Variants in AOPEP observed in about 807,000 individuals in gnomAD.
AOPEP encodes the protein aminopeptidase O.
Under a neutral mutation model 98.1 loss-of-function variants are expected in AOPEP, and 77 were observed. That is an observed-to-expected ratio of 0.78 (90% CI 0.65 to 0.95). The LOEUF (loss-of-function observed/expected upper bound fraction) is 0.95, where lower values mean the gene tolerates loss of function less well. AOPEP is among the 40% of genes least tolerant of loss of function. The probability of loss-of-function intolerance (pLI) is 0.00; values close to 1 mark genes in which losing one functional copy is unlikely to be tolerated. For missense variants in AOPEP, 1,024 were observed against 1,024.7 expected, an observed-to-expected ratio of 1.00 and a Z score of 0.01; for synonymous variants, 346 against 365.3, an observed-to-expected ratio of 0.95 and a Z score of 0.60.
intron 1 of AOPEP, among the ~76,000 whole-genome samples, chr9:94,731,560 A>G (rs891017376): frequency 6.6e-6 from 1 of 151,714 alleles, no homozygotes; most frequent in Non-Finnish European, 1.5e-5. Context: ...TTTTAGGTGA[A>G]TAGTTCTTCA....
intron 1 of AOPEP, among the ~76,000 whole-genome samples, chr9:94,746,950 A>G (rs184160670): frequency 6.6e-6 from 1 of 152,192 alleles, no homozygotes; most frequent in Admixed American, 6.5e-5. Context: ...GTTCAGGAAA[A>G]GGTCTTTGAC....
chr9:95,105,965 C>T, the AOPEP span, among the ~76,000 whole-genome samples: 2 of 152,226 alleles, frequency 1.3e-5, no homozygotes, highest in Non-Finnish European at 2.9e-5. Flanking sequence ...CCCCTGCTTT[C>T]GGCTCTCTGG....
chr9:94,777,871 G>A (rs750218980), intron 3 of AOPEP, among the ~76,000 whole-genome samples: 2 of 151,822 alleles, frequency 1.3e-5, no homozygotes, highest in Non-Finnish European at 2.9e-5. Context: ...TGATCCACCT[G>A]CCTCGGCCTC....
intron 16 of AOPEP, chr9:95,085,225 C>G (rs750656830): frequency 2.0e-6 from 1 of 496,292 alleles, no homozygotes; most frequent in Non-Finnish European, 4.2e-6. Context: ...GCTCTGGCTG[C>G]TTGGGTTCCT....
At chr9:94,791,642 G>A (rs1345063392) in intron 3 of AOPEP, among the ~76,000 whole-genome samples, 2 of 152,002 alleles carry the variant, frequency 1.3e-5, no homozygotes, top group Non-Finnish European at 2.9e-5. Flanking sequence ...CTGTGATCAC[G>A]CCACTGCATT....
At chr9:95,092,897 G>A in the AOPEP span, among the ~76,000 whole-genome samples, 4 of 152,176 alleles carry the variant, frequency 2.6e-5, no homozygotes, top group Non-Finnish European at 4.4e-5. Flanking sequence ...CTCTTCACCC[G>A]TGATCCCTGA....
chr9:94,781,008 A>T (rs977384573), intron 3 of AOPEP, among the ~76,000 whole-genome samples: 2 of 152,176 alleles, frequency 1.3e-5, no homozygotes, highest in African/African-American at 4.8e-5. Context: ...CATTTCTCCT[A>T]ACTGTTTTTA....
At chr9:94,961,476 C>A (rs371950562) in intron 9 of AOPEP, among the ~76,000 whole-genome samples, 7 of 152,090 alleles carry the variant, frequency 4.6e-5, no homozygotes, top group African/African-American at 1.4e-4. Flanking sequence ...TTTCCAATTG[C>A]GTTTATCTTT....
At chr9:94,978,323 A>G (rs1215316693) in intron 10 of AOPEP, among the ~76,000 whole-genome samples, 2 of 152,176 alleles carry the variant, frequency 1.3e-5, no homozygotes, top group Non-Finnish European at 2.9e-5. Context: ...TCTTGGTGGA[A>G]AGGTGAATAT....
chr9:94,881,486 T>C (rs763142723), intron 5 of AOPEP, among the ~76,000 whole-genome samples: 1 of 152,222 alleles, frequency 6.6e-6, no homozygotes, highest in Non-Finnish European at 1.5e-5. Context: ...TCAGCCCCTG[T>C]AACTGTTGTA....
chr9:94,975,690 A>G (rs1428681761), intron 10 of AOPEP, among the ~76,000 whole-genome samples: 1 of 152,196 alleles, frequency 6.6e-6, no homozygotes, highest in Non-Finnish European at 1.5e-5. Flanking sequence ...TGCCTCCTGC[A>G]GAAACATTCT....
At chr9:94,935,734 ACC>A (rs2137249299) in intron 7 of AOPEP, among the ~76,000 whole-genome samples, 1 of 151,944 alleles carries the variant, frequency 6.6e-6, no homozygotes, top group East Asian at 1.9e-4. Flanking sequence ...GGCCGGCCAT[ACC>A]CCCTTTTAAG....
intron 5 of AOPEP, among the ~76,000 whole-genome samples, chr9:94,866,042 G>A (rs1031150377): frequency 2.0e-5 from 3 of 152,102 alleles, no homozygotes; most frequent in Non-Finnish European, 4.4e-5. Context: ...ATTAATTTAC[G>A]TACAGAAATT....
At chr9:94,880,787 C>T (rs2047493327) in intron 5 of AOPEP, among the ~76,000 whole-genome samples, 1 of 152,174 alleles carries the variant, frequency 6.6e-6, no homozygotes, top group Non-Finnish European at 1.5e-5. Context: ...GCCAGCTGAG[C>T]GGACTTAAAT....
chr9:95,089,779 C>T (rs1182603147), downstream of AOPEP, among the ~76,000 whole-genome samples: 8 of 152,228 alleles, frequency 5.3e-5, no homozygotes, highest in East Asian at 3.8e-4. Flanking sequence ...AGCAGCTCCC[C>T]GCGGCCGACC....
chr9:94,857,050 A>G (rs750274488), intron 5 of AOPEP, among the ~76,000 whole-genome samples: 17 of 152,180 alleles, frequency 1.1e-4, no homozygotes, highest in Non-Finnish European at 1.9e-4. Flanking sequence ...CTCTGGACAT[A>G]TTATTGTAAG....
chr9:95,085,907 T>C (rs1416262161), intron 16 of AOPEP: 1 of 1,222,906 alleles, frequency 8.2e-7, no homozygotes, highest in African/African-American at 1.6e-5. Context: ...CTGGGCGCGG[T>C]GAACTCTCTC....
At position 94,751,010 on chromosome 9, in the gene AOPEP, G is replaced by A. The variant is rs1835634844; in HGVS notation, c.-135-8639G>A. ...GATCCGCCCACCTTGGCCTCTCAAAGTGCTGGGATTACAGGTGTGAGCCAC... is the reference window on the plus strand; with the variant it reads ...GATCCGCCCACCTTGGCCTCTCAAAATGCTGGGATTACAGGTGTGAGCCAC... On this transcript the variant is annotated intron_variant, in intron 1 of 16. Coordinates refer to ENST00000375315, the MANE Select transcript of AOPEP (RefSeq NM_001193329.3). Among the ~76,000 whole-genome samples the A allele has an allele frequency of 5.3e-5, 8 of 152,124 alleles. No individual in the cohort carries two copies. In the South Asian group the frequency reaches 1.7e-3, roughly 31 times the overall value.
chr9:94,760,032 C>G lies in AOPEP; in HGVS notation c.249C>G (p.Pro83=). The G allele has an allele frequency of 6.2e-7, 1 of 1,614,182 alleles. No individual in the cohort carries two copies. The highest frequency in any genetic ancestry group is 8.5e-7 in the Non-Finnish European group (1 of 1,180,040). Residue 83 remains proline (P), a synonymous_variant, in exon 2 of 17, where the codon CCC becomes CCG. Coordinates refer to ENST00000375315, the MANE Select transcript of AOPEP (RefSeq NM_001193329.3). ...KFGMPEPCHI[P]VTNARTFSSE... ...GGATGCCTGAACCCTGCCATATTCC[C>G]GTGACAAATGCAAGGACCTTCTCAT...
Sources: allele counts gnomAD v4.1 joint callset (sites outside exome capture counted in the v4.1 genomes callset), GRCh38; gene constraint gnomAD v4.1.1; transcripts MANE v1.5; gene names NCBI Gene and HGNC (gene_info 2026-07-23, HGNC 2026-07-21).